PLXNA4: variants seen among roughly 807,000 people sequenced by gnomAD.
PLXNA4 encodes plexin A4, also known as plexin-A4.
Under a neutral mutation model 191.8 loss-of-function variants are expected in PLXNA4, and 44 were observed. The observed-to-expected ratio is 0.23, with a 90% CI of 0.18 to 0.29. The LOEUF (loss-of-function observed/expected upper bound fraction) is 0.29. Ranked by LOEUF, PLXNA4 falls within the 10% of genes least tolerant of loss-of-function variation. PLXNA4 has a pLI of 1.00. For missense variants in PLXNA4, 1,800 were observed against 2,488.8 expected (o/e 0.72, Z 5.89); for synonymous variants, 1,082 against 1,009.5 (o/e 1.07, Z -1.36).
chr7:132,615,781 GCA>G (rs1048786018), intron 2 of PLXNA4, among the ~76,000 whole-genome samples: 61 of 151,886 alleles, frequency 4.0e-4, no homozygotes, highest in African/African-American at 1.5e-3. Flanking sequence ...GCACGTGGGT[GCA>G]CACACACACT....
In PLXNA4 at chr7:132,130,363, G is replaced by A. The variant is rs1472799542; in HGVS notation, c.*116C>T. On this transcript the variant is annotated 3_prime_UTR_variant, in exon 32 of 32. Coordinates refer to ENST00000321063, the MANE Select transcript of PLXNA4 (RefSeq NM_020911.2). ...GCAGAGAGAAAGAGAGAGAAACAGCGCTGCTCAGGGGATGCTGCTGATGCC... is the reference window on the plus strand; with the variant it reads ...GCAGAGAGAAAGAGAGAGAAACAGCACTGCTCAGGGGATGCTGCTGATGCC... 19 of 1,396,686 alleles carry A rather than the reference G, an allele frequency of 1.4e-5. No homozygotes were observed. The highest frequency in any genetic ancestry group is 2.5e-5 in the South Asian group (2 of 80,896). The allele number at this position is 1,396,686 out of a possible 1,614,324, so 86.5% of individuals were successfully genotyped here. A position where few individuals can be genotyped will look rare whatever the true frequency, so the allele number is the denominator to read the frequency against.
chr7:132,443,113 C>T (rs1195069824), intron 3 of PLXNA4, among the ~76,000 whole-genome samples: 1 of 152,180 alleles, frequency 6.6e-6, no homozygotes, highest in Non-Finnish European at 1.5e-5. Context: ...ATGCTTTTCC[C>T]ACTCCTGTGT....
At chr7:132,322,184 C>CTGTCTTTTTTTTTTTTTTTTTTTTT (rs376377991) in intron 3 of PLXNA4, among the ~76,000 whole-genome samples, 2 of 122,520 alleles carry the variant, frequency 1.6e-5, no homozygotes, top group Non-Finnish European at 3.4e-5. Flanking sequence ...CCTAAAAGGG[C>CTGTCTTTTTTTTTTTTTTTTTTTTT]TTTTTTTTTT....
At chr7:132,336,686 G>A (rs750842830) in intron 3 of PLXNA4, among the ~76,000 whole-genome samples, 3 of 152,196 alleles carry the variant, frequency 2.0e-5, no homozygotes, top group Non-Finnish European at 2.9e-5. Flanking sequence ...ACAAGGGAGC[G>A]AATCACTAGC....
intron 3 of PLXNA4, among the ~76,000 whole-genome samples, chr7:132,388,606 G>A (rs2116978968): frequency 6.6e-6 from 1 of 152,256 alleles, no homozygotes; most frequent in South Asian, 2.1e-4. Context: ...ATCCAACTAA[G>A]GGGTTCCAGC....
rs142028036 is a variant in PLXNA4, at chr7:132,507,740, C to T, written c.954G>A (p.Ala318=). ...RLLQAAYLSK[A]GAVLGRTLGV... Reference sequence around the variant, plus strand: ...CAAGGGTCCTGCCAAGCACGGCCCCCGCTTTGGACAGGTAGGCAGCCTGCA... The same window carrying T: ...CAAGGGTCCTGCCAAGCACGGCCCCTGCTTTGGACAGGTAGGCAGCCTGCA... The change falls in exon 2 of 32, where the codon GCG becomes GCA. Residue 318 remains alanine, a synonymous_variant. Coordinates refer to ENST00000321063, the MANE Select transcript of PLXNA4 (RefSeq NM_020911.2). The T allele has an allele frequency of 4.7e-3, 7,607 of 1,614,154 alleles. 37 individuals carry two copies. Among genetic ancestry groups the T allele is most frequent in the Middle Eastern group, 0.027 (162 of 6,062 alleles).
intron 1 of PLXNA4, among the ~76,000 whole-genome samples, chr7:132,543,832 G>C (rs1283135230): frequency 6.6e-6 from 1 of 152,214 alleles, no homozygotes; most frequent in Non-Finnish European, 1.5e-5. Flanking sequence ...AGAGGGGCAT[G>C]AGACCAAAAT....
intron 3 of PLXNA4, chr7:132,484,661 A>C: frequency 7.7e-7 from 1 of 1,293,864 alleles, no homozygotes; most frequent in Non-Finnish European, 1.0e-6. Context: ...TATCAAATAC[A>C]TATGCCCTCT....
intron 1 of PLXNA4, among the ~76,000 whole-genome samples, chr7:132,533,536 A>G (rs1187179374): frequency 6.6e-6 from 1 of 152,238 alleles, no homozygotes; most frequent in African/African-American, 2.4e-5. Flanking sequence ...CCCTGTGCTT[A>G]CTTAAAACAA....
intron 3 of PLXNA4, among the ~76,000 whole-genome samples, chr7:132,462,135 G>A (rs528818611): frequency 9.2e-5 from 14 of 152,288 alleles, no homozygotes; most frequent in African/African-American, 3.1e-4. Flanking sequence ...AATAAAAATT[G>A]GAAGTAGGGG....
intron 6 of PLXNA4, 77 bp downstream of exon 6, chr7:132,228,269 T>C: frequency 1.3e-6 from 2 of 1,591,150 alleles, no homozygotes; most frequent in Non-Finnish European, 1.7e-6. Context: ...AGAGGGGCCT[T>C]GGGCTAAGGC....
intron 2 of PLXNA4, among the ~76,000 whole-genome samples, chr7:132,587,950 C>T (rs1319794074): frequency 6.6e-6 from 1 of 151,776 alleles, no homozygotes; most frequent in Non-Finnish European, 1.5e-5. Context: ...CCACACTCCC[C>T]AGAGTTCCTG....
intron 2 of PLXNA4, among the ~76,000 whole-genome samples, chr7:132,490,602 TTTTTTGTAG>T (rs751936104): frequency 2.0e-5 from 3 of 151,960 alleles, no homozygotes; most frequent in Non-Finnish European, 4.4e-5. Context: ...AATTTTTGTA[TTTTTTGTAG>T]AGACAGTATT....
intron 2 of PLXNA4, among the ~76,000 whole-genome samples, chr7:132,625,378 C>T (rs959733602): frequency 1.8e-4 from 27 of 152,214 alleles, no homozygotes; most frequent in African/African-American, 6.3e-4. Context: ...CCTCCCTACC[C>T]TGCTAATACA....
At chr7:132,563,498 C>T (rs1327436771) in intron 1 of PLXNA4, among the ~76,000 whole-genome samples, 1 of 82,992 alleles carries the variant, frequency 1.2e-5, no homozygotes. Context: ...TCCTCCTTCT[C>T]CTCCTCCTCC....
intron 3 of PLXNA4, among the ~76,000 whole-genome samples, chr7:132,319,325 T>A (rs1374263645): frequency 1.3e-5 from 2 of 152,324 alleles, no homozygotes; most frequent in East Asian, 3.9e-4. Context: ...TAAGTGCTAC[T>A]GGTGATTCCC....
chr7:132,168,083 A>G (rs892269165), intron 22 of PLXNA4, among the ~76,000 whole-genome samples: 3 of 152,222 alleles, frequency 2.0e-5, no homozygotes, highest in African/African-American at 7.2e-5. Context: ...GCAAGAGAAC[A>G]AGAGGGTGAG....
At chr7:132,643,873 G>C (rs1342676714) in intron 2 of PLXNA4, among the ~76,000 whole-genome samples, 1 of 152,016 alleles carries the variant, frequency 6.6e-6, no homozygotes, top group Non-Finnish European at 1.5e-5. Context: ...GATCGCTTGA[G>C]CCCAGGAGTT....
At chr7:132,157,261 A>G (rs1174791213) in intron 25 of PLXNA4, among the ~76,000 whole-genome samples, 1 of 152,196 alleles carries the variant, frequency 6.6e-6, no homozygotes, top group Admixed American at 6.5e-5. Flanking sequence ...AGCCACCCTC[A>G]GGCAGGTCCT....
Sources: allele counts gnomAD v4.1 joint callset (sites outside exome capture counted in the v4.1 genomes callset), GRCh38; gene constraint gnomAD v4.1.1; transcripts MANE v1.5; gene names NCBI Gene and HGNC (gene_info 2026-07-23, HGNC 2026-07-21).